Variants in PIK3C2A observed in about 807,000 individuals in gnomAD.
PIK3C2A encodes phosphatidylinositol-4-phosphate 3-kinase catalytic subunit type 2 alpha, also known as phosphatidylinositol 4-phosphate 3-kinase C2 domain-containing subunit alpha.
In PIK3C2A, 97 loss-of-function variants were observed where a neutral mutation model predicts 204.5. The observed-to-expected ratio is 0.47, with a 90% CI of 0.40 to 0.56. The LOEUF (loss-of-function observed/expected upper bound fraction) is 0.56. Among genes scored for constraint, PIK3C2A ranks in the 20% least tolerant of loss-of-function variants. The probability of loss-of-function intolerance (pLI) is 0.00; values close to 1 mark genes in which losing one functional copy is unlikely to be tolerated. For synonymous variants in PIK3C2A, 653 were observed against 664.4 expected (o/e 0.98, Z 0.26); for missense variants, 1,735 against 1,969.2 (o/e 0.88, Z 2.25).
intron 8 of PIK3C2A, chr11:17,138,405 C>T (rs185718689): frequency 4.6e-5 from 17 of 367,672 alleles, no homozygotes; most frequent in Admixed American, 4.2e-4. Context: ...ATGCTATGTT[C>T]TCCTACCTGA....
At chr11:17,149,685 C>T (rs1031892178) in intron 4 of PIK3C2A, among the ~76,000 whole-genome samples, 1 of 152,062 alleles carries the variant, frequency 6.6e-6, no homozygotes, top group Admixed American at 6.6e-5. Context: ...TGCACTCCTG[C>T]CTGGGTGGCA....
At chr11:17,106,282 C>G (rs1848812854) in intron 22 of PIK3C2A, among the ~76,000 whole-genome samples, 1 of 150,866 alleles carries the variant, frequency 6.6e-6, no homozygotes, top group Non-Finnish European at 1.5e-5. Flanking sequence ...CATGGTGACA[C>G]ACACCTGCAG....
chr11:17,158,384 T>C (rs771521589), intron 2 of PIK3C2A, among the ~76,000 whole-genome samples: 90 of 148,608 alleles, frequency 6.1e-4, no homozygotes, highest in Non-Finnish European at 1.0e-3. Flanking sequence ...TATATATATA[T>C]ATAATTATAT....
intron 23 of PIK3C2A, among the ~76,000 whole-genome samples, chr11:17,103,400 G>C (rs1358623276): frequency 6.6e-6 from 1 of 152,080 alleles, no homozygotes; most frequent in East Asian, 1.9e-4. Context: ...GATACAGCAA[G>C]ACACATACAA....
At position 17,193,868 on chromosome 11, in the gene PIK3C2A, A is replaced by AGG. The variant is rs1565305762; in HGVS notation, c.-66+13979_-66+13980insCC. The stretch of plus-strand genomic sequence containing the variant: ...TCAAAAAAAGAAAAGAAAAGAAAAG[A>AGG]AAAGAAAAGAAAAGAAAAGAAAAGA... On this transcript the variant is annotated intron_variant, in intron 1 of 32. Transcript: ENST00000691414. The AGG allele has an allele frequency of 4.0e-4, 42 of 106,036 alleles. 5 individuals carry two copies. The East Asian group carries it at 6.0e-3, about 15-fold the overall frequency. The allele number at this position is 106,036 out of a possible 1,614,324, so 6.6% of individuals were successfully genotyped here.
intron 22 of PIK3C2A, among the ~76,000 whole-genome samples, chr11:17,106,179 A>C (rs1848810046): frequency 6.6e-6 from 1 of 151,848 alleles, no homozygotes; most frequent in Non-Finnish European, 1.5e-5. Context: ...TTGGAGGCTG[A>C]GGTGGGTGGA....
chr11:17,101,430 G>A lies in PIK3C2A; in HGVS notation c.3856C>T (p.Arg1286Trp), dbSNP rs200742430. 2.0e-6 allele frequency: 3 copies of A among 1,493,218 alleles called. No homozygotes were observed. Among genetic ancestry groups the A allele is most frequent in the South Asian group, 1.3e-5 (1 of 75,152 alleles). 92.5% of individuals were successfully genotyped at this position (1,493,218 alleles called of 1,614,324 possible). A position where few individuals can be genotyped will look rare whatever the true frequency, so the allele number is the denominator to read the frequency against. ...AQMFGSFKRD[R>W]APFVLTSDMA... Reference sequence around the variant, plus strand: ...TCAGAGGTCAGCACAAAAGGAGCCCGATCCCTATTTAAAATGAAAGTACAT... The same window carrying A: ...TCAGAGGTCAGCACAAAAGGAGCCCAATCCCTATTTAAAATGAAAGTACAT... Residue 1286 changes from arginine (R) to tryptophan (W), a missense_variant, in exon 25 of 33, where the codon CGG (arginine) becomes TGG (tryptophan). By Grantham distance (101) the Arg-to-Trp change is moderately radical. Transcript: ENST00000691414.
intron 8 of PIK3C2A, among the ~76,000 whole-genome samples, chr11:17,141,579 C>T (rs767741060): frequency 2.0e-5 from 3 of 152,166 alleles, no homozygotes; most frequent in Non-Finnish European, 4.4e-5. Context: ...TTTGTCTAAG[C>T]TAGACATTAA....
Position 17,155,526 on chromosome 11 carries a change from T to C in PIK3C2A, c.1169A>G (p.Lys390Arg). The change falls in exon 3 of 33, where the codon AAA becomes AGA. Residue 390 changes from lysine to arginine, a missense_variant and splice_region_variant. This residue lies in a region of PIK3C2A where 536 missense variants were observed against 546.7 expected (regional missense o/e 0.98). Transcript: ENST00000691414. Reference sequence around the variant, plus strand: ...ACATTTATAAAGAAAAATTCCTTACTTTGTAATGGATCGACAAAAAGCTGC... The same window carrying C: ...ACATTTATAAAGAAAAATTCCTTACCTTGTAATGGATCGACAAAAAGCTGC... Reference protein sequence around the residue: ...EMAAFCRSITKLKTKFPYTNH... With the variant: ...EMAAFCRSITRLKTKFPYTNH... The C allele has an allele frequency of 6.5e-7, 1 of 1,545,804 alleles. No individual in the cohort carries two copies. The highest frequency in any genetic ancestry group is 8.9e-7 in the Non-Finnish European group (1 of 1,124,406).
In PIK3C2A at chr11:17,089,873, A is replaced by T; in HGVS notation, c.4926T>A (p.Leu1642=). ...YSKETLRQRE[L]QLSVLSAESL... ...ATTCTGCACTGAGTACACTTAGTTG[A>T]AGTTCTCGCTGTCTTAGGGTTTCTT... Residue 1642 remains leucine (L), a synonymous_variant, in exon 33 of 33, where the codon CTT becomes CTA. Coordinates refer to ENST00000691414, the MANE Select transcript of PIK3C2A (RefSeq NM_002645.4). 6.2e-7 allele frequency: 1 copy of T among 1,613,392 alleles called. No individual in the cohort carries two copies. Among genetic ancestry groups the T allele is most frequent in the Non-Finnish European group, 8.5e-7 (1 of 1,179,458 alleles).
At chr11:17,161,244 T>C (rs990464423) in intron 2 of PIK3C2A, among the ~76,000 whole-genome samples, 3 of 152,236 alleles carry the variant, frequency 2.0e-5, no homozygotes, top group Non-Finnish European at 4.4e-5. Context: ...TAAATACATA[T>C]TACTTTTCAG....
intron 13 of PIK3C2A, among the ~76,000 whole-genome samples, chr11:17,124,455 G>GTTT (rs1243974436): frequency 6.8e-6 from 1 of 147,108 alleles, no homozygotes; most frequent in African/African-American, 2.6e-5. Context: ...GCATTTGGAT[G>GTTT]TCTTTTTTTT....
At chr11:17,091,959 C>T (rs756623120) in intron 30 of PIK3C2A, 37 bp downstream of exon 30, 1 of 1,270,582 alleles carries the variant, frequency 7.9e-7, no homozygotes, top group Non-Finnish European at 1.2e-6. Context: ...ACTTGCAGAT[C>T]ATGAGTTACC....
intron 3 of PIK3C2A, among the ~76,000 whole-genome samples, chr11:17,154,444 A>C (rs1438196077): frequency 6.6e-6 from 1 of 152,196 alleles, no homozygotes; most frequent in Non-Finnish European, 1.5e-5. Context: ...CATTAAAATA[A>C]TGTACATACT....
intron 1 of PIK3C2A, among the ~76,000 whole-genome samples, chr11:17,182,503 A>C (rs948598408): frequency 2.0e-5 from 3 of 149,272 alleles, no homozygotes; most frequent in Non-Finnish European, 4.4e-5. Flanking sequence ...CAGCAAGTTG[A>C]GGCTGCAGTG....
chr11:17,194,100 A>T, intron 1 of PIK3C2A: 1 of 565,348 alleles, frequency 1.8e-6, no homozygotes, highest in Non-Finnish European at 2.7e-6. Flanking sequence ...AAGATCCCAA[A>T]GGGTGTCAGC....
chr11:17,132,971 G>A (rs1465022608), intron 11 of PIK3C2A, among the ~76,000 whole-genome samples: 2 of 152,128 alleles, frequency 1.3e-5, no homozygotes. Flanking sequence ...CAATAAAATT[G>A]TATTCTACTT....
intron 27 of PIK3C2A, among the ~76,000 whole-genome samples, 187 bp from the exon 28 acceptor site, chr11:17,094,572 A>T (rs1177992808): frequency 1.3e-5 from 2 of 152,062 alleles, no homozygotes. Context: ...AAACAAACAA[A>T]AATTAGCTGG....
intron 8 of PIK3C2A, among the ~76,000 whole-genome samples, chr11:17,142,113 C>T (rs1317195820): frequency 2.0e-5 from 3 of 151,918 alleles, no homozygotes; most frequent in Non-Finnish European, 4.4e-5. Flanking sequence ...AAGGAAAGGT[C>T]GATGGATGAA....
Sources: allele counts gnomAD v4.1 joint callset (sites outside exome capture counted in the v4.1 genomes callset), GRCh38; gene constraint gnomAD v4.1.1; regional missense constraint gnomAD v4.1.1; transcripts MANE v1.5; gene names NCBI Gene and HGNC (gene_info 2026-07-23, HGNC 2026-07-21).